TENM3: variants seen among roughly 807,000 people sequenced by gnomAD.
TENM3 encodes teneurin-3.
A neutral mutation model predicts 255.1 loss-of-function variants in TENM3; 63 were observed. That is an observed-to-expected ratio of 0.25 (90% confidence interval 0.20 to 0.30). The LOEUF (loss-of-function observed/expected upper bound fraction) is 0.30. TENM3 is among the 10% of genes least tolerant of loss of function. TENM3 has a pLI of 1.00. For synonymous variants in TENM3, 1,306 were observed against 1,322.3 expected, an observed-to-expected ratio of 0.99 and a Z score of 0.27; for missense variants, 2,929 against 3,461.1, an observed-to-expected ratio of 0.85 and a Z score of 3.86.
the TENM3 span, among the ~76,000 whole-genome samples, chr4:181,706,139 TG>T: frequency 5.3e-5 from 8 of 152,232 alleles, no homozygotes; most frequent in African/African-American, 1.7e-4. Context: ...CCTCTCCCCT[TG>T]GCTTAGAGAT....
At chr4:182,064,712 C>CGG in the TENM3 span, among the ~76,000 whole-genome samples, 1 of 152,210 alleles carries the variant, frequency 6.6e-6, no homozygotes, top group African/African-American at 2.4e-5. Context: ...TTGCTTGCCC[C>CGG]GGGGAGAGAC....
At chr4:181,513,160 A>T in the TENM3 span, among the ~76,000 whole-genome samples, 1 of 152,166 alleles carries the variant, frequency 6.6e-6, no homozygotes, top group Admixed American at 6.5e-5. Context: ...TACCATTTTG[A>T]GTCATTTAGC....
the TENM3 span, among the ~76,000 whole-genome samples, chr4:181,989,335 G>A: frequency 6.6e-6 from 1 of 152,052 alleles, no homozygotes; most frequent in Non-Finnish European, 1.5e-5. Flanking sequence ...TGGAAGCTGT[G>A]TTTAAAGGAG....
intron 3 of TENM3, among the ~76,000 whole-genome samples, chr4:182,404,045 T>C (rs968529019): frequency 1.3e-5 from 2 of 152,208 alleles, no homozygotes; most frequent in East Asian, 1.9e-4. Flanking sequence ...TCTTAATTGG[T>C]AATAAGAACT....
At chr4:181,989,065 T>A in the TENM3 span, among the ~76,000 whole-genome samples, 1 of 152,168 alleles carries the variant, frequency 6.6e-6, no homozygotes, top group East Asian at 1.9e-4. Context: ...TATTTGTTTA[T>A]TAACTTAATG....
chr4:182,624,391 C>A (rs6552584), intron 4 of TENM3, among the ~76,000 whole-genome samples: 5 of 152,190 alleles, frequency 3.3e-5, no homozygotes, highest in Admixed American at 1.3e-4. Flanking sequence ...GCGTGTTTCT[C>A]TACACGCAGC....
intron 24 of TENM3, among the ~76,000 whole-genome samples, chr4:182,786,097 G>A (rs1040021628): frequency 1.1e-4 from 16 of 152,308 alleles, no homozygotes; most frequent in Middle Eastern, 3.4e-3. Context: ...AGAAAGGCAC[G>A]GCATCCAGTA....
chr4:182,714,315 C>CAAAAAAAAAAAAAAAAAAAAAAAAA, intron 13 of TENM3, 82 bp downstream of exon 13: 1 of 133,528 alleles, frequency 7.5e-6, no homozygotes. Flanking sequence ...TATCTGTTGC[C>CAAAAAAAAAAAAAAAAAAAAAAAAA]AAAAAAAAAA....
At chr4:182,016,047 C>G in the TENM3 span, among the ~76,000 whole-genome samples, 2 of 152,130 alleles carry the variant, frequency 1.3e-5, no homozygotes, top group Admixed American at 6.5e-5. Context: ...CATTTTCAGC[C>G]ACTTAAAATG....
At chr4:182,624,496 C>G (rs954053004) in intron 4 of TENM3, among the ~76,000 whole-genome samples, 1 of 152,152 alleles carries the variant, frequency 6.6e-6, no homozygotes, top group Non-Finnish European at 1.5e-5. Context: ...CTTGCCACTT[C>G]CCCAGAATGC....
At chr4:182,598,162 CAG>C (rs1360505346) in intron 3 of TENM3, among the ~76,000 whole-genome samples, 1 of 152,224 alleles carries the variant, frequency 6.6e-6, no homozygotes, top group Non-Finnish European at 1.5e-5. Context: ...GCCTGGGCAA[CAG>C]AGCGAGACCC....
At chr4:182,774,131 T>C (rs751743189) in intron 23 of TENM3, among the ~76,000 whole-genome samples, 2 of 152,212 alleles carry the variant, frequency 1.3e-5, no homozygotes, top group Non-Finnish European at 2.9e-5. Context: ...GTCATATAGA[T>C]GCCATATCTC....
At chr4:182,349,546 A>G (rs1288730847) in intron 3 of TENM3, among the ~76,000 whole-genome samples, 1 of 152,128 alleles carries the variant, frequency 6.6e-6, no homozygotes, top group East Asian at 1.9e-4. Context: ...TCCTGATATT[A>G]AAAAATTATG....
the TENM3 span, among the ~76,000 whole-genome samples, chr4:181,945,520 C>T: frequency 6.6e-6 from 1 of 151,894 alleles, no homozygotes; most frequent in African/African-American, 2.4e-5. Flanking sequence ...AATTTTAGTT[C>T]CGATTGCCTG....
In TENM3 at chr4:182,449,896, G is replaced by C. The variant is rs184177548; in HGVS notation, c.511+102967G>C. Reference sequence around the variant, plus strand: ...GTTGAAGTAAAAATCATTTGCCATTGATGTGTGTAGTTCAATAAAACAAAG... The same window carrying C: ...GTTGAAGTAAAAATCATTTGCCATTCATGTGTGTAGTTCAATAAAACAAAG... On this transcript the variant is annotated intron_variant, in intron 3 of 27. Coordinates refer to ENST00000511685, the MANE Select transcript of TENM3 (RefSeq NM_001080477.4). Among the ~76,000 whole-genome samples, 100 of 152,288 alleles carry C rather than the reference G, an allele frequency of 6.6e-4. 2 individuals are homozygous for C. In the East Asian group the frequency reaches 0.018, roughly 27 times the overall value.
intron 1 of TENM3, among the ~76,000 whole-genome samples, chr4:182,277,783 A>G (rs1332598583): frequency 6.6e-6 from 1 of 152,234 alleles, no homozygotes; most frequent in Non-Finnish European, 1.5e-5. Flanking sequence ...CAAGTGGTCC[A>G]GTTCTATCAA....
chr4:181,949,925 C>T, the TENM3 span, among the ~76,000 whole-genome samples: 6 of 152,178 alleles, frequency 3.9e-5, no homozygotes, highest in African/African-American at 9.7e-5. Context: ...TGCACAGCCA[C>T]CTCCTCGGAG....
chr4:182,464,915 C>T (rs535604582), intron 3 of TENM3, among the ~76,000 whole-genome samples: 2 of 152,080 alleles, frequency 1.3e-5, no homozygotes, highest in Non-Finnish European at 1.5e-5. Context: ...CTTCTCACCC[C>T]CTAATGATCA....
the TENM3 span, among the ~76,000 whole-genome samples, chr4:181,861,654 A>G: frequency 1.3e-5 from 2 of 152,104 alleles, no homozygotes; most frequent in Non-Finnish European, 2.9e-5. Flanking sequence ...TAATATACCC[A>G]GATAAGTAAA....
Sources: allele counts gnomAD v4.1 joint callset (sites outside exome capture counted in the v4.1 genomes callset), GRCh38; gene constraint gnomAD v4.1.1; transcripts MANE v1.5; gene names NCBI Gene and HGNC (gene_info 2026-07-23, HGNC 2026-07-21).